Variants in SH3RF3 observed in about 807,000 individuals in gnomAD.
SH3RF3 encodes SH3 domain containing ring finger 3, also known as E3 ubiquitin-protein ligase SH3RF3.
SH3RF3 carries 29 observed loss-of-function variants against 66.3 expected under a neutral mutation model. That is an observed-to-expected ratio of 0.44 (90% CI 0.33 to 0.60). The LOEUF (loss-of-function observed/expected upper bound fraction) is 0.60, where lower values mean the gene tolerates loss of function less well. Among genes scored for constraint, SH3RF3 ranks in the 20% least tolerant of loss-of-function variants. The probability of loss-of-function intolerance (pLI) is 0.04; values close to 1 mark genes in which losing one functional copy is unlikely to be tolerated. For synonymous variants in SH3RF3, 583 were observed against 532.0 expected (o/e 1.10, Z -1.32); for missense variants, 1,194 against 1,190.9 (o/e 1.00, Z -0.04).
chr2:109,230,841 C>T (rs1019772297), intron 1 of SH3RF3, among the ~76,000 whole-genome samples: 1 of 152,226 alleles, frequency 6.6e-6, no homozygotes, highest in African/African-American at 2.4e-5. Flanking sequence ...CACTTCATTT[C>T]TAAATCCCCT....
rs1320292689 is a variant in SH3RF3, at chr2:109,419,600, G to A, written c.1361G>A (p.Gly454Glu). ...TAVPRAASVS[G>E]EQGTPPKVQL... ...GTCCCACGGGCTGCCTCGGTGTCTGGAGAGCAGGGCACGCCTCCCAAGGTC... is the reference window on the plus strand; with the variant it reads ...GTCCCACGGGCTGCCTCGGTGTCTGAAGAGCAGGGCACGCCTCCCAAGGTC... The change falls in exon 5 of 10, where the codon GGA (glycine) becomes GAA (glutamate). Residue 454 changes from glycine to glutamate, a missense_variant. By Grantham distance (98) the Gly-to-Glu change is moderately conservative. Coordinates refer to ENST00000309415, the MANE Select transcript of SH3RF3 (RefSeq NM_001099289.3). 1 of 1,596,010 alleles carries A rather than the reference G, an allele frequency of 6.3e-7. No homozygotes were observed. Among genetic ancestry groups the A allele is most frequent in the Non-Finnish European group, 8.5e-7 (1 of 1,172,512 alleles).
intron 4 of SH3RF3, among the ~76,000 whole-genome samples, chr2:109,407,902 G>T (rs10181694): frequency 2.0e-5 from 3 of 152,108 alleles, no homozygotes; most frequent in Admixed American, 6.5e-5. Flanking sequence ...GATTTTTGTC[G>T]ATTGCAAAGC....
intron 1 of SH3RF3, among the ~76,000 whole-genome samples, chr2:109,198,779 C>A (rs1045989893): frequency 2.6e-5 from 4 of 152,168 alleles, no homozygotes; most frequent in Non-Finnish European, 5.9e-5. Context: ...GATACCAAAC[C>A]TAGGAAGTAC....
chr2:109,399,035 A>C, intron 4 of SH3RF3, 92 bp downstream of exon 4: 4 of 1,335,936 alleles, frequency 3.0e-6, no homozygotes, highest in Non-Finnish European at 4.1e-6. Flanking sequence ...CTCAACTAGC[A>C]TGGAGGCCGC....
chr2:109,253,571 G>T (rs1455821769), intron 1 of SH3RF3, among the ~76,000 whole-genome samples: 1 of 152,170 alleles, frequency 6.6e-6, no homozygotes, highest in Non-Finnish European at 1.5e-5. Context: ...CTAAGATGTT[G>T]AGGCAGCAAA....
chr2:109,426,892 A>G lies in SH3RF3; in HGVS notation c.1404-5609A>G, dbSNP rs115384285. Among the ~76,000 whole-genome samples, 866 of 152,244 alleles carry G rather than the reference A, an allele frequency of 5.7e-3. 4 individuals carry two copies. Among genetic ancestry groups the G allele is most frequent in the Admixed American group, 9.9e-3 (152 of 15,300 alleles). On this transcript the variant is annotated intron_variant, in intron 5 of 9. Coordinates refer to ENST00000309415, the MANE Select transcript of SH3RF3 (RefSeq NM_001099289.3). Reference sequence around the variant, plus strand: ...GTCAGCAACTATTCACATCAAGACAAGACCCTCTACCAGCAAATAAATTAT... The same window carrying G: ...GTCAGCAACTATTCACATCAAGACAGGACCCTCTACCAGCAAATAAATTAT...
intron 3 of SH3RF3, among the ~76,000 whole-genome samples, chr2:109,385,951 C>T (rs1277602537): frequency 6.6e-6 from 1 of 152,182 alleles, no homozygotes; most frequent in Admixed American, 6.5e-5. Flanking sequence ...CATCTGTTCA[C>T]CTGTTTTTAA....
chr2:109,181,386 C>T (rs2104985147), intron 1 of SH3RF3, among the ~76,000 whole-genome samples: 1 of 152,264 alleles, frequency 6.6e-6, no homozygotes, highest in Middle Eastern at 3.4e-3. Flanking sequence ...GCAGTCTTGC[C>T]ACTCACGTCT....
At chr2:109,317,280 C>T (rs1681907390) in intron 1 of SH3RF3, among the ~76,000 whole-genome samples, 2 of 152,164 alleles carry the variant, frequency 1.3e-5, no homozygotes, top group African/African-American at 2.4e-5. Context: ...AGCGTCAAGT[C>T]TTGCCCATGG....
intron 3 of SH3RF3, among the ~76,000 whole-genome samples, chr2:109,395,918 A>G (rs926435399): frequency 6.6e-6 from 1 of 152,254 alleles, no homozygotes; most frequent in Non-Finnish European, 1.5e-5. Flanking sequence ...AAAGGGTCAC[A>G]GGAGGACTAA....
chr2:109,427,158 G>A (rs1271060334), intron 5 of SH3RF3, among the ~76,000 whole-genome samples: 4 of 151,892 alleles, frequency 2.6e-5, no homozygotes, highest in South Asian at 2.1e-4. Context: ...TAGTAGAGAC[G>A]GGGTTTCACC....
intron 8 of SH3RF3, among the ~76,000 whole-genome samples, chr2:109,471,211 A>G (rs1392771630): frequency 7.1e-6 from 1 of 141,130 alleles, no homozygotes; most frequent in Non-Finnish European, 1.5e-5. Flanking sequence ...TGTCTCAAAA[A>G]AAAAAAAAAA....
chr2:109,205,630 C>T (rs1678793130), intron 1 of SH3RF3, among the ~76,000 whole-genome samples: 3 of 152,122 alleles, frequency 2.0e-5, no homozygotes, highest in South Asian at 2.1e-4. Flanking sequence ...GAGAAGGCCA[C>T]GGTGAGAATC....
chr2:109,359,197 C>T (rs929718758), intron 2 of SH3RF3, among the ~76,000 whole-genome samples: 2 of 152,114 alleles, frequency 1.3e-5, no homozygotes, highest in Non-Finnish European at 2.9e-5. Flanking sequence ...TTTTCAGTCT[C>T]GAAGTCATGT....
At chr2:109,457,866 G>A (rs950800120) in intron 8 of SH3RF3, among the ~76,000 whole-genome samples, 18 of 152,122 alleles carry the variant, frequency 1.2e-4, no homozygotes, top group Non-Finnish European at 1.8e-4. Context: ...AGACCCAGCC[G>A]TCTGTCCCTC....
At chr2:109,172,337 G>A (rs929189098) in intron 1 of SH3RF3, among the ~76,000 whole-genome samples, 1 of 152,240 alleles carries the variant, frequency 6.6e-6, no homozygotes, top group South Asian at 2.1e-4. Flanking sequence ...AAATGCGCGA[G>A]CCAGCGGTCA....
At chr2:109,305,719 CA>C (rs1284997359) in intron 1 of SH3RF3, among the ~76,000 whole-genome samples, 1 of 152,246 alleles carries the variant, frequency 6.6e-6, no homozygotes, top group East Asian at 1.9e-4. Context: ...TGTGTGGCTA[CA>C]ATGCGGGAGG....
intron 1 of SH3RF3, among the ~76,000 whole-genome samples, chr2:109,133,819 C>A (rs1044075399): frequency 3.3e-5 from 5 of 150,948 alleles, no homozygotes; most frequent in African/African-American, 1.2e-4. Context: ...CTTGCATTAG[C>A]ATAGTTGGGA....
chr2:109,368,337 G>A (rs937619217), intron 2 of SH3RF3, among the ~76,000 whole-genome samples: 2 of 152,066 alleles, frequency 1.3e-5, no homozygotes, highest in Non-Finnish European at 2.9e-5. Context: ...ACATTCCCCA[G>A]TTCAAGATTA....
Sources: gnomAD v4.1 joint callset for allele counts (sites outside exome capture counted in the v4.1 genomes callset) on GRCh38, gnomAD v4.1.1 for gene constraint, MANE v1.5 for transcripts, NCBI Gene and HGNC (gene_info 2026-07-23, HGNC 2026-07-21) for gene names.